The following DLG2 variants were observed in gnomAD, a reference collection of about 807,000 sequenced individuals.
DLG2 encodes the protein discs large MAGUK scaffold protein 2.
DLG2 carries 45 observed loss-of-function variants against 132.5 expected under a neutral mutation model. The observed-to-expected ratio is 0.34, with a 90% confidence interval of 0.27 to 0.44. The LOEUF is 0.44. Ranked by LOEUF, DLG2 falls within the 20% of genes least tolerant of loss-of-function variation. DLG2 has a pLI of 1.00. For synonymous variants in DLG2, 424 were observed against 419.6 expected, an observed-to-expected ratio of 1.01 and a Z score of -0.13; for missense variants, 1,045 against 1,196.9, an observed-to-expected ratio of 0.87 and a Z score of 1.87.
chr11:85,149,229 T>C (rs1272809718), intron 5 of DLG2, among the ~76,000 whole-genome samples: 2 of 152,182 alleles, frequency 1.3e-5, no homozygotes, highest in Non-Finnish European at 2.9e-5. Flanking sequence ...CTTGGCTATA[T>C]GGGCTTTTTT....
intron 19 of DLG2, among the ~76,000 whole-genome samples, chr11:83,587,975 T>A (rs948166062): frequency 6.6e-6 from 1 of 152,192 alleles, no homozygotes; most frequent in African/African-American, 2.4e-5. Flanking sequence ...ATCCCGCACC[T>A]GGCTCAGAGG....
chr11:84,720,907 T>C (rs1440105442), intron 6 of DLG2: 2 of 124,212 alleles, frequency 1.6e-5, no homozygotes, highest in Admixed American at 1.9e-4. Flanking sequence ...CTTGCTGCAA[T>C]CCAGAGTCAC....
chr11:84,387,787 C>A (rs564537804), intron 7 of DLG2, among the ~76,000 whole-genome samples: 1 of 152,084 alleles, frequency 6.6e-6, no homozygotes, highest in African/African-American at 2.4e-5. Flanking sequence ...CAGAAGACCA[C>A]GGGATATGGA....
intron 3 of DLG2, among the ~76,000 whole-genome samples, chr11:85,406,053 C>T (rs1456743357): frequency 2.0e-5 from 3 of 151,934 alleles, no homozygotes; most frequent in African/African-American, 7.2e-5. Flanking sequence ...AATTTTACCT[C>T]TTATGTCATA....
At chr11:84,575,422 G>T (rs2099497192) in intron 6 of DLG2, among the ~76,000 whole-genome samples, 1 of 151,900 alleles carries the variant, frequency 6.6e-6, no homozygotes, top group Admixed American at 6.6e-5. Flanking sequence ...TTCCAACATG[G>T]ATCCTTCTAG....
intron 3 of DLG2, among the ~76,000 whole-genome samples, chr11:85,291,569 A>G (rs1169675706): frequency 6.9e-6 from 1 of 144,010 alleles, no homozygotes; most frequent in South Asian, 2.2e-4. Context: ...TACCAAAATC[A>G]CCTGAGGATT....
At chr11:84,591,223 CTGTGTG>C (rs781411791) in intron 6 of DLG2, among the ~76,000 whole-genome samples, 20 of 139,286 alleles carry the variant, frequency 1.4e-4, no homozygotes, top group East Asian at 8.3e-4. Context: ...ATGTGTCTCT[CTGTGTG>C]TGTGTGTGTG....
intron 7 of DLG2, among the ~76,000 whole-genome samples, chr11:84,441,345 G>A (rs1047879016): frequency 6.6e-6 from 1 of 151,936 alleles, no homozygotes; most frequent in Non-Finnish European, 1.5e-5. Flanking sequence ...TAGAGATGAG[G>A]TCTTGCTATA....
At chr11:84,552,685 C>T (rs1188447227) in intron 6 of DLG2, among the ~76,000 whole-genome samples, 3 of 152,160 alleles carry the variant, frequency 2.0e-5, no homozygotes, top group East Asian at 1.9e-4. Flanking sequence ...TTGTTTATGG[C>T]TGTAGGACCT....
At chr11:84,960,356 C>T (rs377252005) in intron 6 of DLG2, among the ~76,000 whole-genome samples, 1 of 152,038 alleles carries the variant, frequency 6.6e-6, no homozygotes, top group African/African-American at 2.4e-5. Context: ...CAGAAATAAA[C>T]AATTTTCCCT....
intron 6 of DLG2, among the ~76,000 whole-genome samples, chr11:84,714,553 C>CTCTT (rs2060840727): frequency 9.2e-6 from 1 of 109,200 alleles, no homozygotes; most frequent in African/African-American, 5.2e-5. Context: ...TTCTCTTTCT[C>CTCTT]TCTCTTTCTC....
At chr11:85,384,830 C>G (rs569383283) in intron 3 of DLG2, among the ~76,000 whole-genome samples, 4 of 152,276 alleles carry the variant, frequency 2.6e-5, no homozygotes, top group African/African-American at 9.6e-5. Flanking sequence ...CCTCGGCCTC[C>G]AAAAGTGCTG....
At chr11:85,602,178 G>A (rs971920230) in intron 2 of DLG2, among the ~76,000 whole-genome samples, 3 of 152,080 alleles carry the variant, frequency 2.0e-5, no homozygotes, top group Admixed American at 2.0e-4. Flanking sequence ...AATTCCTGAA[G>A]TCAGCATTCA....
At chr11:84,888,484 G>T (rs942629112) in intron 6 of DLG2, among the ~76,000 whole-genome samples, 1 of 151,990 alleles carries the variant, frequency 6.6e-6, no homozygotes, top group African/African-American at 2.4e-5. Flanking sequence ...GAAATTGAAT[G>T]ATACCATTTT....
At chr11:83,747,235 T>A (rs1047914961) in intron 18 of DLG2, among the ~76,000 whole-genome samples, 56 of 152,106 alleles carry the variant, frequency 3.7e-4, no homozygotes, top group African/African-American at 1.4e-3. Context: ...GCAATTACAT[T>A]AAATTAATAT....
At chr11:83,829,721 C>A (rs539036920) in intron 17 of DLG2, among the ~76,000 whole-genome samples, 3 of 149,794 alleles carry the variant, frequency 2.0e-5, no homozygotes, top group South Asian at 4.2e-4. Context: ...AACCTTGAAG[C>A]TAGCCATTTT....
chr11:83,995,051 T>C (rs1413196309), intron 11 of DLG2, among the ~76,000 whole-genome samples: 1 of 151,802 alleles, frequency 6.6e-6, no homozygotes. Flanking sequence ...CATCTTAACT[T>C]GACCGTTAGC....
At chr11:85,154,527 G>A (rs1398854996) in intron 5 of DLG2, 29 bp downstream of exon 5, 1 of 1,104,282 alleles carries the variant, frequency 9.1e-7, no homozygotes, top group Non-Finnish European at 1.3e-6. Context: ...ATGAAGCCTA[G>A]TAAGAAAAGA....
intron 11 of DLG2, among the ~76,000 whole-genome samples, chr11:84,004,387 C>T (rs540928563): frequency 6.6e-6 from 1 of 152,102 alleles, no homozygotes; most frequent in South Asian, 2.1e-4. Flanking sequence ...AACTGAACAT[C>T]ACTTCATAAT....
Sources: gnomAD v4.1 joint callset for allele counts (sites outside exome capture counted in the v4.1 genomes callset) on GRCh38, gnomAD v4.1.1 for gene constraint, MANE v1.5 for transcripts, NCBI Gene and HGNC (gene_info 2026-07-23, HGNC 2026-07-21) for gene names.